KLF17: variants seen among roughly 807,000 people sequenced by gnomAD.
KLF17 encodes KLF transcription factor 17.
In KLF17, 31 loss-of-function variants were observed where a neutral mutation model predicts 34.2. That is an observed-to-expected ratio of 0.91 (90% confidence interval 0.68 to 1.22). KLF17 has a LOEUF of 1.22. Among genes scored for constraint, KLF17 ranks in the 50% most tolerant of loss-of-function variants. The probability of loss-of-function intolerance (pLI) is 0.00; values close to 1 mark genes in which losing one functional copy is unlikely to be tolerated. For missense variants in KLF17, 478 were observed against 505.2 expected (o/e 0.95, Z 0.52); for synonymous variants, 179 against 186.7 (o/e 0.96, Z 0.34).
the KLF17 span, among the ~76,000 whole-genome samples, chr1:44,073,209 C>CTTCTTTTT: frequency 2.9e-5 from 4 of 137,784 alleles, no homozygotes; most frequent in African/African-American, 1.1e-4. Context: ...TCTTCTTCTT[C>CTTCTTTTT]TTTTTTTTTT....
chr1:44,050,072 T>C, the KLF17 span, among the ~76,000 whole-genome samples: 1 of 152,236 alleles, frequency 6.6e-6, no homozygotes, highest in African/African-American at 2.4e-5. Flanking sequence ...TACTGTCTCC[T>C]GGCATATGCA....
At chr1:44,059,311 T>A in the KLF17 span, among the ~76,000 whole-genome samples, 4 of 152,234 alleles carry the variant, frequency 2.6e-5, no homozygotes, top group Non-Finnish European at 5.9e-5. Flanking sequence ...GGGAAACACC[T>A]CTTTTGTCCT....
At chr1:44,085,358 T>G in the KLF17 span, among the ~76,000 whole-genome samples, 3 of 152,092 alleles carry the variant, frequency 2.0e-5, no homozygotes, top group Non-Finnish European at 2.9e-5. Flanking sequence ...AGGATTGCAA[T>G]TTTCAGCTGG....
chr1:44,063,291 A>T, the KLF17 span, among the ~76,000 whole-genome samples: 1 of 152,178 alleles, frequency 6.6e-6, no homozygotes, highest in South Asian at 2.1e-4. Context: ...GAATTGTTCT[A>T]CTCTTGATCT....
At chr1:44,127,025 T>G (rs1416449549) in intron 1 of KLF17, among the ~76,000 whole-genome samples, 1 of 150,474 alleles carries the variant, frequency 6.6e-6, no homozygotes, top group African/African-American at 2.4e-5. Context: ...GCCTCCTGAG[T>G]GGCTGGGACC....
At chr1:44,084,222 A>C in the KLF17 span, among the ~76,000 whole-genome samples, 2 of 152,150 alleles carry the variant, frequency 1.3e-5, no homozygotes, top group Non-Finnish European at 2.9e-5. Flanking sequence ...TCAAAATCCC[A>C]TTTTGGCTTT....
chr1:44,081,183 G>A, the KLF17 span, among the ~76,000 whole-genome samples: 2 of 143,892 alleles, frequency 1.4e-5, no homozygotes, highest in South Asian at 2.3e-4. Context: ...CCAAGATAGC[G>A]CCATTGCACT....
the KLF17 span, among the ~76,000 whole-genome samples, chr1:44,106,245 C>T: frequency 6.6e-6 from 1 of 152,192 alleles, no homozygotes; most frequent in Non-Finnish European, 1.5e-5. Flanking sequence ...CTGCCCATCT[C>T]CATTCCACTC....
At position 44,122,041 on chromosome 1, in the gene KLF17, T is replaced by C. The variant is rs1202305343; in HGVS notation, c.81+3053T>C. 3 of 727,538 alleles carry C rather than the reference T, an allele frequency of 4.1e-6. No individual in the cohort carries two copies. In the African/African-American group the frequency reaches 5.4e-5, roughly 13 times the overall value. 45.1% of individuals were successfully genotyped at this position (727,538 alleles called of 1,614,324 possible). On this transcript the variant is annotated intron_variant, in intron 1 of 3. Transcript: ENST00000372299. The stretch of plus-strand genomic sequence containing the variant: ...TTCCTTTTCCTTTATGTCTTTTCCT[T>C]TTTTCATTTTTTTGTCCCACTTTTA...
the KLF17 span, among the ~76,000 whole-genome samples, chr1:44,068,732 G>A: frequency 6.6e-6 from 1 of 152,204 alleles, no homozygotes; most frequent in African/African-American, 2.4e-5. Context: ...GTCACAGGCT[G>A]GGGTTATGTT....
At chr1:44,108,726 C>T in the KLF17 span, among the ~76,000 whole-genome samples, 9 of 129,064 alleles carry the variant, frequency 7.0e-5, no homozygotes, top group African/African-American at 1.2e-4. Context: ...AGTGCAATAG[C>T]GTGATCTCAG....
At chr1:44,118,223 T>C (rs1571981845), upstream of KLF17, among the ~76,000 whole-genome samples, 2 of 152,346 alleles carry the variant, frequency 1.3e-5, no homozygotes, top group Middle Eastern at 6.8e-3. Flanking sequence ...CCGTATAAGA[T>C]GGAAATTGAC....
chr1:44,112,402 ATTTTCT>A, the KLF17 span, among the ~76,000 whole-genome samples: 2 of 47,270 alleles, frequency 4.2e-5, no homozygotes, highest in Non-Finnish European at 5.6e-5. Flanking sequence ...TCTTTTTTTT[ATTTTCT>A]TTTTTTATTT....
intron 1 of KLF17, among the ~76,000 whole-genome samples, chr1:44,128,482 CT>C (rs1208729137): frequency 6.6e-6 from 1 of 152,316 alleles, no homozygotes; most frequent in South Asian, 2.1e-4. Flanking sequence ...ACCCCCATCC[CT>C]TTTTTTAAGA....
chr1:44,126,967 C>T (rs2088014911), intron 1 of KLF17, among the ~76,000 whole-genome samples: 1 of 151,954 alleles, frequency 6.6e-6, no homozygotes, highest in Non-Finnish European at 1.5e-5. Flanking sequence ...GCGATCACAG[C>T]TCGCTGCAGC....
rs142926708 is a variant in KLF17, at chr1:44,122,343, G to A, written c.81+3355G>A. On this transcript the variant is annotated intron_variant, in intron 1 of 3. Transcript: ENST00000372299. ...AATGTTATTTCCTCGAATACTCAGC[G>A]TTTCCAGCTGTACAGGTTCTCTGTT... 5.6e-5 allele frequency: 90 copies of A among 1,605,640 alleles called. No individual in the cohort carries two copies. The East Asian group carries it at 1.6e-3, about 29-fold the overall frequency.
chr1:44,073,209 C>CTTTTTTTTTTTTTTT, the KLF17 span, among the ~76,000 whole-genome samples: 1 of 137,784 alleles, frequency 7.3e-6, no homozygotes, highest in Non-Finnish European at 1.6e-5. Flanking sequence ...TCTTCTTCTT[C>CTTTTTTTTTTTTTTT]TTTTTTTTTT....
chr1:44,051,674 G>C, the KLF17 span: 1 of 152,136 alleles, frequency 6.6e-6, no homozygotes, highest in Admixed American at 6.6e-5. Flanking sequence ...TCCACCAGTC[G>C]TTTTATTTTC....
the KLF17 span, among the ~76,000 whole-genome samples, chr1:44,091,832 G>A: frequency 3.4e-3 from 503 of 149,992 alleles, 2 homozygotes; most frequent in African/African-American, 0.012. Flanking sequence ...CATTGCTTGA[G>A]CCTAGGAGTT....
Sources: allele counts gnomAD v4.1 joint callset (sites outside exome capture counted in the v4.1 genomes callset), GRCh38; gene constraint gnomAD v4.1.1; transcripts MANE v1.5; gene names NCBI Gene and HGNC (gene_info 2026-07-23, HGNC 2026-07-21).